Variants in NR2F1-AS1 observed in about 807,000 individuals in gnomAD.
The protein encoded by NR2F1-AS1 is NR2F1 antisense RNA 1.
upstream of NR2F1-AS1, chr5:93,585,040 G>A: frequency 9.7e-7 from 1 of 1,031,782 alleles, no homozygotes; most frequent in Non-Finnish European, 1.2e-6. Context: ...ATGGTAGTTA[G>A]CAGCTGGCGA....
chr5:93,440,454 C>A (rs1185304412), intron 4 of NR2F1-AS1, among the ~76,000 whole-genome samples: 1 of 152,172 alleles, frequency 6.6e-6, no homozygotes, highest in Admixed American at 6.5e-5. Context: ...AGAAGGAATT[C>A]TTTCTCTCTA....
intron 4 of NR2F1-AS1, chr5:93,543,716 G>A (rs970661173): frequency 6.6e-6 from 1 of 152,140 alleles, no homozygotes; most frequent in African/African-American, 2.4e-5. Context: ...CTGAAATCAA[G>A]ACACATCTCA....
intron 4 of NR2F1-AS1, among the ~76,000 whole-genome samples, chr5:93,440,274 T>C (rs1400821184): frequency 1.3e-5 from 2 of 151,894 alleles, no homozygotes; most frequent in East Asian, 3.9e-4. Flanking sequence ...GACTGGGCCA[T>C]GGGGTGCCCA....
chr5:93,478,558 C>T (rs1750536355), intron 4 of NR2F1-AS1, among the ~76,000 whole-genome samples: 2 of 152,054 alleles, frequency 1.3e-5, no homozygotes, highest in Admixed American at 1.3e-4. Flanking sequence ...TGTGTGCCAC[C>T]ACGCCTGGCT....
chr5:93,549,984 A>T (rs977735697), intron 4 of NR2F1-AS1, among the ~76,000 whole-genome samples: 1 of 152,066 alleles, frequency 6.6e-6, no homozygotes, highest in Admixed American at 6.6e-5. Flanking sequence ...GGGCAAGGGG[A>T]GGGATAGCAT....
intron 4 of NR2F1-AS1, among the ~76,000 whole-genome samples, chr5:93,514,976 A>G (rs17083194): frequency 0.17 from 26,165 of 151,908 alleles, 3,506 homozygotes; most frequent in African/African-American, 0.38. Flanking sequence ...TAAAAACATC[A>G]ATAAGAAATA....
chr5:93,560,554 C>A (rs541132204), intron 2 of NR2F1-AS1, among the ~76,000 whole-genome samples: 2 of 152,212 alleles, frequency 1.3e-5, no homozygotes, highest in Non-Finnish European at 2.9e-5. Flanking sequence ...TCCAGAAAAA[C>A]TACCTTTACA....
intron 4 of NR2F1-AS1, among the ~76,000 whole-genome samples, chr5:93,460,463 A>G (rs1750064012): frequency 1.3e-5 from 2 of 152,182 alleles, no homozygotes; most frequent in Non-Finnish European, 2.9e-5. Context: ...CCAGATAAAA[A>G]CTTGTCAATG....
At chr5:93,453,760 T>C (rs1019243107) in intron 4 of NR2F1-AS1, among the ~76,000 whole-genome samples, 3 of 152,056 alleles carry the variant, frequency 2.0e-5, no homozygotes, top group African/African-American at 7.2e-5. Flanking sequence ...GGAAAAAATA[T>C]ATCTTTTAAA....
intron 1 of NR2F1-AS1, among the ~76,000 whole-genome samples, chr5:93,567,039 T>G (rs1207248438): frequency 6.6e-6 from 1 of 151,988 alleles, no homozygotes; most frequent in East Asian, 1.9e-4. Flanking sequence ...TCAGAAAAAG[T>G]TATTTTTTCT....
At chr5:93,526,155 A>G (rs538528062) in intron 4 of NR2F1-AS1, among the ~76,000 whole-genome samples, 266 of 152,304 alleles carry the variant, frequency 1.7e-3, no homozygotes, top group Non-Finnish European at 2.1e-3. Context: ...TAAACACAAT[A>G]AAAAATGATA....
At chr5:93,500,690 T>C (rs1751059894) in intron 4 of NR2F1-AS1, among the ~76,000 whole-genome samples, 1 of 152,188 alleles carries the variant, frequency 6.6e-6, no homozygotes, top group Non-Finnish European at 1.5e-5. Flanking sequence ...CAGGCTGGAA[T>C]ATGCTGGCAC....
At chr5:93,512,086 T>G (rs1289731955) in intron 4 of NR2F1-AS1, among the ~76,000 whole-genome samples, 2 of 152,182 alleles carry the variant, frequency 1.3e-5, no homozygotes, top group Non-Finnish European at 1.5e-5. Flanking sequence ...AGGCAAGTCC[T>G]TCAGGAGATA....
chr5:93,420,283 C>T (rs1749061259), intron 4 of NR2F1-AS1, among the ~76,000 whole-genome samples: 1 of 152,152 alleles, frequency 6.6e-6, no homozygotes, highest in Non-Finnish European at 1.5e-5. Context: ...AATGTGTGCT[C>T]TTGGTAGGCA....
intron 1 of NR2F1-AS1, among the ~76,000 whole-genome samples, chr5:93,572,673 C>CT (rs1752800489): frequency 6.6e-6 from 1 of 152,220 alleles, no homozygotes; most frequent in Non-Finnish European, 1.5e-5. Flanking sequence ...AGATCCCTGC[C>CT]TTTTCCCCCC....
chr5:93,424,287 CTACAAG>C (rs1477817866), intron 4 of NR2F1-AS1, among the ~76,000 whole-genome samples: 1 of 150,768 alleles, frequency 6.6e-6, no homozygotes, highest in Non-Finnish European at 1.5e-5. Flanking sequence ...ATCACAAACT[CTACAAG>C]TACATTATAT....
intron 4 of NR2F1-AS1, among the ~76,000 whole-genome samples, chr5:93,480,604 T>A (rs1750580786): frequency 6.6e-6 from 1 of 152,122 alleles, no homozygotes; most frequent in Admixed American, 6.5e-5. Context: ...TAAAACCTAG[T>A]ATTAATGTAT....
chr5:93,441,153 A>G (rs2149851909), intron 4 of NR2F1-AS1, among the ~76,000 whole-genome samples: 1 of 152,320 alleles, frequency 6.6e-6, no homozygotes, highest in African/African-American at 2.4e-5. Context: ...ATCTCTACAT[A>G]AATCAAGTTT....
intron 4 of NR2F1-AS1, among the ~76,000 whole-genome samples, chr5:93,524,382 T>G (rs11957875): frequency 0.025 from 3,794 of 152,226 alleles, 78 homozygotes; most frequent in South Asian, 0.054. Flanking sequence ...TGCGTTTGAT[T>G]GGTGTATCTG....
Sources: allele counts gnomAD v4.1 joint callset (sites outside exome capture counted in the v4.1 genomes callset), GRCh38; gene constraint gnomAD v4.1.1; transcripts MANE v1.5; gene names NCBI Gene and HGNC (gene_info 2026-07-23, HGNC 2026-07-21).